Variants in RBFOX1 observed in about 807,000 individuals in gnomAD.
RBFOX1 encodes RNA binding protein fox-1 homolog 1.
A neutral mutation model predicts 57.7 loss-of-function variants in RBFOX1; 8 were observed. The ratio of observed to expected loss-of-function variants is 0.14; its 90% CI spans 0.08 to 0.25. The LOEUF (loss-of-function observed/expected upper bound fraction) is 0.25, where lower values mean the gene tolerates loss of function less well. Ranked by LOEUF, RBFOX1 falls within the 10% of genes least tolerant of loss-of-function variation. The pLI is 1.00. For missense variants in RBFOX1, 611 were observed against 548.5 expected (o/e 1.11, Z -1.14); for synonymous variants, 326 against 222.4 (o/e 1.47, Z -4.15).
intron 4 of RBFOX1, among the ~76,000 whole-genome samples, chr16:5,983,167 C>T (rs568395393): frequency 3.2e-4 from 49 of 152,316 alleles, no homozygotes; most frequent in East Asian, 3.9e-4. Context: ...CCCCATTACC[C>T]CAGATGCCTC....
intron 4 of RBFOX1, among the ~76,000 whole-genome samples, chr16:7,222,775 A>G (rs1400939689): frequency 6.6e-6 from 1 of 152,206 alleles, no homozygotes; most frequent in Non-Finnish European, 1.5e-5. Flanking sequence ...GTAAGCAGGA[A>G]CCAGTGCCAT....
intron 5 of RBFOX1, among the ~76,000 whole-genome samples, chr16:7,544,798 GT>G (rs2083963132): frequency 6.6e-6 from 1 of 152,082 alleles, no homozygotes; most frequent in Non-Finnish European, 1.5e-5. Flanking sequence ...TGTTGTTGTT[GT>G]TTTTGTTTTT....
At chr16:5,581,791 G>T (rs150734881) in intron 2 of RBFOX1, among the ~76,000 whole-genome samples, 1 of 151,790 alleles carries the variant, frequency 6.6e-6, no homozygotes, top group African/African-American at 2.4e-5. Context: ...AGGGAGGAGC[G>T]AGTGGGAGGC....
intron 1 of RBFOX1, among the ~76,000 whole-genome samples, chr16:5,350,789 C>T (rs778777110): frequency 9.9e-5 from 15 of 152,098 alleles, no homozygotes; most frequent in Admixed American, 9.2e-4. Context: ...TCACTTGAAC[C>T]CGGAGGCGGA....
intron 1 of RBFOX1, among the ~76,000 whole-genome samples, chr16:6,192,492 A>C (rs2097148297): frequency 6.6e-6 from 1 of 150,974 alleles, no homozygotes; most frequent in South Asian, 2.1e-4. Context: ...TCCTCCCAAC[A>C]CCCCCATACA....
At chr16:7,023,642 C>G (rs948453851) in intron 3 of RBFOX1, among the ~76,000 whole-genome samples, 4 of 149,224 alleles carry the variant, frequency 2.7e-5, no homozygotes, top group Non-Finnish European at 5.9e-5. Context: ...ACTGGGAAGG[C>G]CCCAGTATAC....
intron 4 of RBFOX1, among the ~76,000 whole-genome samples, chr16:7,424,968 A>G (rs918233372): frequency 1.2e-4 from 19 of 152,310 alleles, no homozygotes; most frequent in Middle Eastern, 3.4e-3. Flanking sequence ...ACCAAGAAGA[A>G]TGTTATCTTA....
chr16:7,452,391 C>CTG (rs1367622252), intron 4 of RBFOX1, among the ~76,000 whole-genome samples: 25 of 152,284 alleles, frequency 1.6e-4, no homozygotes, highest in Non-Finnish European at 3.4e-4. Flanking sequence ...CTGGTGCATC[C>CTG]CCCACCTGCC....
chr16:6,540,498 G>C (rs374432354), intron 2 of RBFOX1, among the ~76,000 whole-genome samples: 9 of 150,728 alleles, frequency 6.0e-5, no homozygotes, highest in East Asian at 2.0e-4. Flanking sequence ...TGTAGTCCTA[G>C]CTACTCAGGA....
intron 3 of RBFOX1, among the ~76,000 whole-genome samples, chr16:6,759,473 C>CTGTGTGTGTG (rs71145287): frequency 7.0e-6 from 1 of 143,082 alleles, no homozygotes; most frequent in African/African-American, 2.7e-5. Context: ...TGTCAGTTGT[C>CTGTGTGTGTG]TGTGTGTGTG....
chr16:7,549,547 G>C (rs928411859), intron 5 of RBFOX1, among the ~76,000 whole-genome samples: 1 of 152,148 alleles, frequency 6.6e-6, no homozygotes, highest in Admixed American at 6.5e-5. Flanking sequence ...AAGCCAGTCC[G>C]AGTCCTAGAG....
At chr16:7,701,341 G>T (rs181052227) in intron 14 of RBFOX1, among the ~76,000 whole-genome samples, 2 of 152,108 alleles carry the variant, frequency 1.3e-5, no homozygotes, top group African/African-American at 4.8e-5. Flanking sequence ...GTTTGCAGCC[G>T]CCCCCTCTCA....
chr16:6,833,814 A>T (rs1161672407), intron 3 of RBFOX1, among the ~76,000 whole-genome samples: 1 of 152,182 alleles, frequency 6.6e-6, no homozygotes, highest in African/African-American at 2.4e-5. Flanking sequence ...ATGGGTAGGT[A>T]GGAATTAGAT....
At chr16:7,363,520 G>T (rs1363298790) in intron 4 of RBFOX1, among the ~76,000 whole-genome samples, 1 of 152,086 alleles carries the variant, frequency 6.6e-6, no homozygotes, top group Non-Finnish European at 1.5e-5. Context: ...TAAAGGCCGG[G>T]ATCTTGTGGG....
intron 4 of RBFOX1, among the ~76,000 whole-genome samples, chr16:7,433,043 C>T (rs145752168): frequency 1.4e-4 from 21 of 152,240 alleles, no homozygotes; most frequent in East Asian, 5.8e-4. Context: ...GCAAAATTCC[C>T]GCATAATCTT....
At chr16:6,516,995 T>C (rs2096392612) in intron 2 of RBFOX1, among the ~76,000 whole-genome samples, 1 of 152,280 alleles carries the variant, frequency 6.6e-6, no homozygotes, top group African/African-American at 2.4e-5. Flanking sequence ...TCAGAAGCTG[T>C]GAGCATAAAT....
intron 2 of RBFOX1, among the ~76,000 whole-genome samples, chr16:6,535,207 C>T (rs988401859): frequency 2.0e-5 from 3 of 152,156 alleles, no homozygotes; most frequent in Non-Finnish European, 4.4e-5. Context: ...CTGGGAAAAT[C>T]CTCTGTTCTA....
intron 3 of RBFOX1, among the ~76,000 whole-genome samples, chr16:6,841,325 A>C (rs559064948): frequency 6.6e-6 from 1 of 152,196 alleles, no homozygotes; most frequent in Non-Finnish European, 1.5e-5. Context: ...GTGGTTTTAG[A>C]CAGCAAACAT....
At chr16:6,039,733 A>G (rs959962321) in intron 1 of RBFOX1, among the ~76,000 whole-genome samples, 1 of 152,234 alleles carries the variant, frequency 6.6e-6, no homozygotes, top group Non-Finnish European at 1.5e-5. Flanking sequence ...CTGGGTTAAC[A>G]TATTAGTTAT....
Sources: gnomAD v4.1 joint callset for allele counts (sites outside exome capture counted in the v4.1 genomes callset) on GRCh38, gnomAD v4.1.1 for gene constraint, MANE v1.5 for transcripts, NCBI Gene and HGNC (gene_info 2026-07-23, HGNC 2026-07-21) for gene names.